The following NEK11 variants were observed in gnomAD, a reference collection of about 807,000 sequenced individuals.
NEK11 encodes serine/threonine-protein kinase Nek11.
A neutral mutation model predicts 80.7 loss-of-function variants in NEK11; 72 were observed. The observed-to-expected ratio is 0.89, with a 90% CI of 0.74 to 1.08. The LOEUF (loss-of-function observed/expected upper bound fraction) is 1.08, where lower values mean the gene tolerates loss of function less well. NEK11 is among the 50% of genes least tolerant of loss of function. The probability of loss-of-function intolerance (pLI) is 0.00; values close to 1 mark genes in which losing one functional copy is unlikely to be tolerated. For missense variants in NEK11, 764 were observed against 763.6 expected (o/e 1.00, Z -0.01); for synonymous variants, 251 against 260.7 (o/e 0.96, Z 0.36).
chr3:131,056,381 A>C (rs116186358), intron 3 of NEK11, among the ~76,000 whole-genome samples: 3,584 of 152,228 alleles, frequency 0.024, 64 homozygotes, highest in Non-Finnish European at 0.036. Flanking sequence ...GTGCCTGAAG[A>C]TATTTTATTC....
At chr3:131,281,528 C>T (rs1170495688) in intron 17 of NEK11, among the ~76,000 whole-genome samples, 1 of 152,166 alleles carries the variant, frequency 6.6e-6, no homozygotes, top group Non-Finnish European at 1.5e-5. Flanking sequence ...CGAGTATTTG[C>T]AGTCTTTCGC....
chr3:131,206,710 TGCACAAC>T (rs1324577865), intron 14 of NEK11, among the ~76,000 whole-genome samples: 1 of 152,252 alleles, frequency 6.6e-6, no homozygotes, highest in Non-Finnish European at 1.5e-5. Flanking sequence ...AGGGTACATG[TGCACAAC>T]GTGCAGGTTT....
chr3:131,111,941 G>A (rs932256671), intron 5 of NEK11, among the ~76,000 whole-genome samples: 4 of 152,148 alleles, frequency 2.6e-5, no homozygotes, highest in African/African-American at 9.6e-5. Flanking sequence ...AGTAGCAAGT[G>A]TTGGTAAACA....
chr3:131,175,008 G>A, intron 14 of NEK11: 2 of 1,306,840 alleles, frequency 1.5e-6, no homozygotes, highest in Non-Finnish European at 1.9e-6. Context: ...ACCTGTAGGT[G>A]GTTGTGCTTT....
chr3:131,153,643 G>T (rs554954335), intron 9 of NEK11, among the ~76,000 whole-genome samples: 1 of 152,114 alleles, frequency 6.6e-6, no homozygotes, highest in Non-Finnish European at 1.5e-5. Context: ...CATCAGTGGG[G>T]CATGTTCCAA....
chr3:131,032,910 C>T (rs2109334594), intron 3 of NEK11, among the ~76,000 whole-genome samples: 1 of 152,320 alleles, frequency 6.6e-6, no homozygotes, highest in East Asian at 1.9e-4. Context: ...AATTACCACC[C>T]AATGACTGCA....
intron 14 of NEK11, among the ~76,000 whole-genome samples, chr3:131,205,171 T>G (rs199605154): frequency 6.6e-6 from 1 of 152,222 alleles, no homozygotes; most frequent in East Asian, 1.9e-4. Flanking sequence ...CACTTGGTTT[T>G]GGAATTTGGG....
At chr3:131,208,325 C>A (rs2094505238) in intron 14 of NEK11, among the ~76,000 whole-genome samples, 2 of 152,116 alleles carry the variant, frequency 1.3e-5, no homozygotes, top group African/African-American at 2.4e-5. Context: ...TGATCTATAT[C>A]TCTGTTTTGG....
At chr3:131,223,691 G>A (rs1010010586) in intron 14 of NEK11, among the ~76,000 whole-genome samples, 2 of 152,120 alleles carry the variant, frequency 1.3e-5, no homozygotes, top group Non-Finnish European at 2.9e-5. Flanking sequence ...TTACTATCTA[G>A]CCCTTTACAG....
chr3:131,090,009 A>G (rs1411366774), intron 4 of NEK11, among the ~76,000 whole-genome samples: 1 of 151,956 alleles, frequency 6.6e-6, no homozygotes, highest in African/African-American at 2.4e-5. Context: ...TAAACATTGC[A>G]GGGGTTTTTT....
chr3:131,331,246 CAG>C (rs1419812253), intron 17 of NEK11, among the ~76,000 whole-genome samples: 2 of 152,152 alleles, frequency 1.3e-5, no homozygotes, highest in Non-Finnish European at 2.9e-5. Flanking sequence ...GTGTGATGGA[CAG>C]AGATAGAAAC....
In NEK11 at chr3:131,061,008, A is replaced by G. The variant is rs886128382; in HGVS notation, c.171-19415A>G. Among the ~76,000 whole-genome samples the G allele has an allele frequency of 3.9e-5, 6 of 152,308 alleles. No homozygotes were observed. The East Asian group carries it at 1.2e-3, about 29-fold the overall frequency. On this transcript the variant is annotated intron_variant, in intron 3 of 17. Coordinates refer to ENST00000383366, the MANE Select transcript of NEK11 (RefSeq NM_024800.5). Reference sequence around the variant, plus strand: ...CCCAGTCCCCCATCCAGAACTGGGCATACTGTAGGGACTCAAAAATGAAAG... The same window carrying G: ...CCCAGTCCCCCATCCAGAACTGGGCGTACTGTAGGGACTCAAAAATGAAAG...
At chr3:131,165,304 G>A (rs2092100481) in intron 11 of NEK11, 122 bp from the exon 12 acceptor site, 8 of 647,366 alleles carry the variant, frequency 1.2e-5, no homozygotes, top group Non-Finnish European at 2.2e-5. Flanking sequence ...GAAGAGACCT[G>A]ATGGCCTGGC....
intron 7 of NEK11, among the ~76,000 whole-genome samples, chr3:131,135,109 G>A (rs1007843926): frequency 6.6e-6 from 1 of 152,164 alleles, no homozygotes; most frequent in African/African-American, 2.4e-5. Context: ...AGGGAAAAGT[G>A]AATCACAACA....
intron 17 of NEK11, among the ~76,000 whole-genome samples, chr3:131,341,956 A>G (rs1296352713): frequency 6.6e-6 from 1 of 152,202 alleles, no homozygotes; most frequent in African/African-American, 2.4e-5. Flanking sequence ...GTCCATTTAC[A>G]TTTATTATAA....
chr3:131,324,304 G>GAA (rs887904337), intron 17 of NEK11, among the ~76,000 whole-genome samples: 6 of 152,212 alleles, frequency 3.9e-5, no homozygotes, highest in African/African-American at 1.4e-4. Context: ...TTTGGTCAAG[G>GAA]AAAGAGTCCT....
chr3:131,308,450 A>G lies in NEK11; in HGVS notation c.1718+34876A>G, dbSNP rs1011747471. ...AATTTATGAATGCAAAAATAGATAA[A>G]AACAAATTCTGATGGCTAAGTGAAT... On this transcript the variant is annotated intron_variant, in intron 17 of 17. Transcript: ENST00000383366. Among the ~76,000 whole-genome samples the G allele has an allele frequency of 3.3e-5, 5 of 152,214 alleles. No individual in the cohort carries two copies. The East Asian group carries it at 9.6e-4, about 29-fold the overall frequency.
chr3:131,218,369 A>G (rs2094911546), intron 14 of NEK11, among the ~76,000 whole-genome samples: 2 of 152,206 alleles, frequency 1.3e-5, no homozygotes, highest in African/African-American at 4.8e-5. Context: ...GTCTGCTCAC[A>G]CAGGGAGCTC....
At chr3:131,177,708 A>G (rs1399648061) in intron 14 of NEK11, among the ~76,000 whole-genome samples, 1 of 152,166 alleles carries the variant, frequency 6.6e-6, no homozygotes, top group African/African-American at 2.4e-5. Flanking sequence ...TAGGTTGAAA[A>G]ACTGGGATGT....
Sources: allele counts gnomAD v4.1 joint callset (sites outside exome capture counted in the v4.1 genomes callset), GRCh38; gene constraint gnomAD v4.1.1; transcripts MANE v1.5; gene names NCBI Gene and HGNC (gene_info 2026-07-23, HGNC 2026-07-21).